Variants in PIAS2 observed in about 807,000 individuals in gnomAD.
PIAS2 encodes the protein E3 SUMO-protein ligase PIAS2.
PIAS2 carries 19 observed loss-of-function variants against 69.7 expected under a neutral mutation model. The observed-to-expected ratio is 0.27, with a 90% CI of 0.19 to 0.40. The LOEUF is 0.40. PIAS2 is among the 10% of genes least tolerant of loss of function. The pLI, the probability that PIAS2 is intolerant of heterozygous loss-of-function variation, is 1.00. For missense variants in PIAS2, 624 were observed against 757.0 expected, an observed-to-expected ratio of 0.82 and a Z score of 2.06; for synonymous variants, 261 against 263.2, an observed-to-expected ratio of 0.99 and a Z score of 0.08.
chr18:46,887,937 C>T (rs1402438776), intron 2 of PIAS2, among the ~76,000 whole-genome samples: 1 of 152,118 alleles, frequency 6.6e-6, no homozygotes, highest in Non-Finnish European at 1.5e-5. Flanking sequence ...TTCCTGTTCA[C>T]AGATGGTAGG....
chr18:46,835,973 T>C (rs1447218286), intron 9 of PIAS2, among the ~76,000 whole-genome samples: 2 of 152,188 alleles, frequency 1.3e-5, no homozygotes, highest in Non-Finnish European at 2.9e-5. Flanking sequence ...GTTTTGAACT[T>C]AAGAGCTATG....
intron 10 of PIAS2, 127 bp from the exon 11 acceptor site, chr18:46,828,257 C>T: frequency 1.4e-6 from 1 of 739,880 alleles, no homozygotes; most frequent in Middle Eastern, 4.1e-4. Flanking sequence ...CCACATACTC[C>T]AACCCATGGA....
At position 46,828,318 on chromosome 18, in the gene PIAS2, C is replaced by A. The variant is rs773155351; in HGVS notation, c.1337-188G>T. On this transcript the variant is annotated intron_variant, in intron 10 of 13. Transcript: ENST00000585916. Reference sequence around the variant, plus strand: ...CCTCTGTCTGTAAAATGGTTGTTCACCTAGGGAGACAGGTGAGCACTATTC... The same window carrying A: ...CCTCTGTCTGTAAAATGGTTGTTCAACTAGGGAGACAGGTGAGCACTATTC... 6.6e-5 allele frequency among the ~76,000 whole-genome samples: 10 copies of A among 152,274 alleles called. 1 individual carries two copies. In the South Asian group the frequency reaches 1.0e-3, roughly 16 times the overall value.
chr18:46,909,270 T>G (rs1004362253), intron 1 of PIAS2, among the ~76,000 whole-genome samples: 1 of 152,186 alleles, frequency 6.6e-6, no homozygotes, highest in Admixed American at 6.5e-5. Flanking sequence ...TAAAAACTTT[T>G]TTTTTTGAAA....
rs552694393 is a variant in PIAS2, at chr18:46,873,415, T to C, written c.500-9167A>G. On this transcript the variant is annotated intron_variant, in intron 2 of 13. Transcript: ENST00000585916. The stretch of plus-strand genomic sequence containing the variant: ...CTTTTCAAAACAGGACATCTATTCA[T>C]AGATGGCCCCTCTAGGGTAATTGGG... Among the ~76,000 whole-genome samples the C allele has an allele frequency of 8.5e-5, 13 of 152,272 alleles. No individual in the cohort carries two copies. The East Asian group carries it at 2.3e-3, about 27-fold the overall frequency.
intron 1 of PIAS2, chr18:46,916,758 CCCCAAACAT>C: frequency 1.1e-6 from 1 of 922,930 alleles, no homozygotes; most frequent in Non-Finnish European, 1.3e-6. Flanking sequence ...AGGCAGGGAT[CCCCAAACAT>C]TAGGTTCCTC....
intron 5 of PIAS2, chr18:46,852,991 TAGC>T (rs1182142941): frequency 2.0e-5 from 3 of 152,350 alleles, no homozygotes; most frequent in Non-Finnish European, 4.4e-5. Context: ...AAAGAAATCT[TAGC>T]AGCCAGACGC....
intron 8 of PIAS2, among the ~76,000 whole-genome samples, chr18:46,837,588 T>C (rs1175628075): frequency 6.6e-6 from 1 of 152,246 alleles, no homozygotes; most frequent in African/African-American, 2.4e-5. Context: ...TGCAAATATA[T>C]TTTTCATTTA....
intron 1 of PIAS2, among the ~76,000 whole-genome samples, chr18:46,892,976 C>T (rs1272050726): frequency 6.6e-6 from 1 of 152,040 alleles, no homozygotes; most frequent in Non-Finnish European, 1.5e-5. Flanking sequence ...TTTGGACTAA[C>T]CACATTTCAA....
At chr18:46,860,836 G>C (rs565086141) in intron 3 of PIAS2, among the ~76,000 whole-genome samples, 7 of 152,242 alleles carry the variant, frequency 4.6e-5, no homozygotes, top group Non-Finnish European at 7.4e-5. Flanking sequence ...AATTAGCCAG[G>C]TGTGGTGTTG....
intron 1 of PIAS2, among the ~76,000 whole-genome samples, chr18:46,909,825 G>A (rs1159330965): frequency 6.6e-6 from 1 of 152,138 alleles, no homozygotes; most frequent in Non-Finnish European, 1.5e-5. Flanking sequence ...GACAAGTTTG[G>A]TGAAACTTTA....
intron 5 of PIAS2, among the ~76,000 whole-genome samples, chr18:46,854,455 A>AGTTTGT (rs2047437344): frequency 3.3e-5 from 5 of 152,148 alleles, no homozygotes; most frequent in Admixed American, 3.3e-4. Flanking sequence ...TGCTTGACAA[A>AGTTTGT]CGTGCCATGT....
At chr18:46,873,783 AT>A (rs1395670102) in intron 2 of PIAS2, among the ~76,000 whole-genome samples, 1 of 152,148 alleles carries the variant, frequency 6.6e-6, no homozygotes, top group Non-Finnish European at 1.5e-5. Context: ...CACCAGAAAA[AT>A]CCTTCTTTTG....
At chr18:46,842,323 G>C (rs1383000323) in intron 8 of PIAS2, among the ~76,000 whole-genome samples, 1 of 148,664 alleles carries the variant, frequency 6.7e-6, no homozygotes, top group Non-Finnish European at 1.5e-5. Flanking sequence ...CTGTTAGTAT[G>C]TTTGGCCATT....
At chr18:46,911,943 C>T (rs118162785) in intron 1 of PIAS2, among the ~76,000 whole-genome samples, 1,684 of 152,172 alleles carry the variant, frequency 0.011, 17 homozygotes, top group Non-Finnish European at 0.017. Flanking sequence ...CCCAGCTAAT[C>T]GCGAGGCTGA....
upstream of PIAS2, chr18:46,917,626 C>T: frequency 1.1e-6 from 1 of 915,980 alleles, no homozygotes; most frequent in South Asian, 5.1e-5. Flanking sequence ...CAGCGCCCGC[C>T]CGCGCCTGCC....
At chr18:46,854,338 A>G (rs567228690) in intron 5 of PIAS2, among the ~76,000 whole-genome samples, 12 of 152,274 alleles carry the variant, frequency 7.9e-5, no homozygotes, top group African/African-American at 2.6e-4. Context: ...CATTTCCTCA[A>G]TAGTTGCGAA....
At chr18:46,843,269 T>A (rs2045690409) in intron 8 of PIAS2, among the ~76,000 whole-genome samples, 1 of 152,190 alleles carries the variant, frequency 6.6e-6, no homozygotes, top group South Asian at 2.1e-4. Flanking sequence ...TCTCCCCATT[T>A]AAAAAACTGC....
intron 12 of PIAS2, chr18:46,816,272 A>C: frequency 2.1e-6 from 2 of 971,872 alleles, no homozygotes; most frequent in Non-Finnish European, 2.4e-6. Context: ...AAAATAGAGA[A>C]TATCAGTGGG....
Sources: allele counts gnomAD v4.1 joint callset (sites outside exome capture counted in the v4.1 genomes callset), GRCh38; gene constraint gnomAD v4.1.1; transcripts MANE v1.5; gene names NCBI Gene and HGNC (gene_info 2026-07-23, HGNC 2026-07-21).